The following DNAH5 variants were observed in gnomAD, a reference collection of about 807,000 sequenced individuals.
DNAH5 encodes axonemal beta dynein heavy chain 5.
In DNAH5, 372 loss-of-function variants were observed where a neutral mutation model predicts 518.2. The observed-to-expected ratio is 0.72, with a 90% CI of 0.66 to 0.78. The LOEUF (loss-of-function observed/expected upper bound fraction) is 0.78. Ranked by LOEUF, DNAH5 falls within the 30% of genes least tolerant of loss-of-function variation. The pLI, the probability that DNAH5 is intolerant of heterozygous loss-of-function variation, is 0.00. For synonymous variants in DNAH5, 2,039 were observed against 2,025.9 expected, an observed-to-expected ratio of 1.01 and a Z score of -0.17; for missense variants, 5,523 against 5,687.0, an observed-to-expected ratio of 0.97 and a Z score of 0.93.
At chr5:13,873,913 T>A (rs973666874) in intron 22 of DNAH5, among the ~76,000 whole-genome samples, 1 of 152,156 alleles carries the variant, frequency 6.6e-6, no homozygotes. Context: ...TGATAAAGAA[T>A]AAACAGTGCA....
chr5:13,802,236 C>T (rs1331158739), intron 47 of DNAH5, among the ~76,000 whole-genome samples: 1 of 152,126 alleles, frequency 6.6e-6, no homozygotes, highest in Non-Finnish European at 1.5e-5. Context: ...TCTGTCTACA[C>T]ACATAGGATA....
intron 46 of DNAH5, 31 bp from the exon 47 acceptor site, chr5:13,807,756 A>G (rs1468843840): frequency 6.4e-7 from 1 of 1,571,660 alleles, no homozygotes; most frequent in Middle Eastern, 2.0e-4. Context: ...AAAAAAAGAA[A>G]TGAAATAAAT....
chr5:13,795,243 A>C (rs1757647080), intron 47 of DNAH5, among the ~76,000 whole-genome samples: 1 of 152,216 alleles, frequency 6.6e-6, no homozygotes, highest in Admixed American at 6.5e-5. Context: ...AACCCTTCAG[A>C]AATCAATGAA....
upstream of DNAH5, among the ~76,000 whole-genome samples, chr5:13,949,306 A>G (rs1300187309): frequency 6.6e-6 from 1 of 152,224 alleles, no homozygotes; most frequent in Non-Finnish European, 1.5e-5. Context: ...CTTTTTCTTT[A>G]TACAATTGCA....
At position 13,691,080 on chromosome 5, in the gene DNAH5, T is replaced by C. The variant is rs532882575; in HGVS notation, c.*904A>G. 1.3e-4 allele frequency: 20 copies of C among 152,246 alleles called. No individual in the cohort carries two copies. The highest frequency in any genetic ancestry group is 1.9e-4 in the Non-Finnish European group (13 of 68,048). The allele number at this position is 152,246 out of a possible 1,614,324, so 9.4% of individuals were successfully genotyped here. A position where few individuals can be genotyped will look rare whatever the true frequency, so the allele number is the denominator to read the frequency against. Reference sequence around the variant, plus strand: ...AATTGTTTTTTATGGTTGCCAAATATCTCTTAATTTCCTTAACCATAGCCT... The same window carrying C: ...AATTGTTTTTTATGGTTGCCAAATACCTCTTAATTTCCTTAACCATAGCCT... On this transcript the variant is annotated 3_prime_UTR_variant, in exon 79 of 79. Transcript: ENST00000265104.
intron 65 of DNAH5, among the ~76,000 whole-genome samples, chr5:13,750,235 G>A (rs377394007): frequency 2.6e-5 from 4 of 152,188 alleles, no homozygotes; most frequent in African/African-American, 7.2e-5. Context: ...CAGCGTAGAA[G>A]GTGCCATAAA....
Position 13,811,671 on chromosome 5 carries a change from C to G in DNAH5, c.7383G>C (p.Met2461Ile), listed in dbSNP as rs951231755. ...CCTTCAGAGGAATCAGGCCTTGAAG[C>G]ATGTTAATGCTCTGTGTGATGACAA... ...EAFVITQSIN[M>I]LQGLIPLKEQ... The change falls in exon 44 of 79, where the codon ATG becomes ATC. Residue 2461 changes from methionine (M) to isoleucine (I), a missense_variant. Physicochemically the swap from Met to Ile is conservative, Grantham distance 10 (BLOSUM62 1). This residue lies in a region of DNAH5 where 5,121 missense variants were observed against 5,223.3 expected (regional missense o/e 0.98). Coordinates refer to ENST00000265104, the MANE Select transcript of DNAH5 (RefSeq NM_001369.3). 3 of 1,614,130 alleles carry G rather than the reference C, an allele frequency of 1.9e-6. No homozygotes were observed. The highest frequency in any genetic ancestry group is 1.7e-5 in the Admixed American group (1 of 60,020).
In DNAH5 at chr5:13,692,071, G is replaced by A; in HGVS notation, c.13788C>T (p.Asn4596=). Residue 4596 remains asparagine (N), a synonymous_variant, in exon 79 of 79, where the codon AAC becomes AAT. Transcript: ENST00000265104. ...TCCTGAGATCCACAGCGGCAATGTA[G>A]TTCAAGTCCGTTCGAACTGGCTTCT... is the stretch of plus-strand genomic sequence containing the variant. ...IYKKPVRTDL[N]YIAAVDLRTA... is the part of the protein sequence containing the mutation. The A allele has an allele frequency of 6.2e-7, 1 of 1,614,118 alleles. No homozygotes were observed. Among genetic ancestry groups the A allele is most frequent in the South Asian group, 1.1e-5 (1 of 91,086 alleles).
chr5:13,824,157 T>G, intron 39 of DNAH5, 42 bp downstream of exon 39: 1 of 1,605,196 alleles, frequency 6.2e-7, no homozygotes, highest in African/African-American at 1.3e-5. Context: ...TTAGTTTAAC[T>G]GATATCCAAG....
intron 78 of DNAH5, among the ~76,000 whole-genome samples, chr5:13,699,739 T>C (rs1579801687): frequency 6.6e-6 from 1 of 152,126 alleles, no homozygotes; most frequent in Admixed American, 6.5e-5. Context: ...TAAATACTTG[T>C]AGTTCATAAA....
intron 18 of DNAH5, 79 bp from the exon 19 acceptor site, chr5:13,885,307 A>G (rs1308852997): frequency 6.7e-7 from 1 of 1,491,064 alleles, no homozygotes; most frequent in Non-Finnish European, 9.3e-7. Flanking sequence ...ATAGACAGAT[A>G]GATAGAATCA....
Position 13,727,574 on chromosome 5 carries a change from T to A in DNAH5, c.11966A>T (p.Lys3989Ile). ...EEEPLPNAYD[K>I]SLDCFRRLLL... ...AAGACGTCTGAAGCAGTCAAGAGAT[T>A]TATCATAGGCATTTGGAAGAGGTTC... is the stretch of plus-strand genomic sequence containing the variant. The change falls in exon 70 of 79, where the codon AAA (lysine) becomes ATA (isoleucine). Residue 3989 changes from lysine to isoleucine, a missense_variant. Physicochemically the swap from Lys to Ile is moderately radical, Grantham distance 102 (BLOSUM62 -3). This residue lies in a region of DNAH5 where 5,121 missense variants were observed against 5,223.3 expected (regional missense o/e 0.98). Transcript: ENST00000265104. The A allele has an allele frequency of 2.5e-6, 4 of 1,613,912 alleles. No homozygotes were observed. Among genetic ancestry groups the A allele is most frequent in the Non-Finnish European group, 3.4e-6 (4 of 1,179,858 alleles).
chr5:13,890,870 A>C (rs2151948595), intron 17 of DNAH5, 106 bp downstream of exon 17: 1 of 1,228,138 alleles, frequency 8.1e-7, no homozygotes, highest in East Asian at 2.3e-5. Flanking sequence ...ATCACAGAGC[A>C]CTGCAAGTAG....
intron 35 of DNAH5, among the ~76,000 whole-genome samples, chr5:13,833,051 T>C (rs1763879572): frequency 1.3e-5 from 2 of 151,734 alleles, no homozygotes; most frequent in Non-Finnish European, 2.9e-5. Context: ...CCTTGAGAAC[T>C]TGGTTTAGTT....
chr5:13,774,456 A>G (rs1753787984), intron 55 of DNAH5, among the ~76,000 whole-genome samples: 1 of 152,156 alleles, frequency 6.6e-6, no homozygotes, highest in South Asian at 2.1e-4. Flanking sequence ...ATTTCAAGCC[A>G]GGAGACAGAC....
At chr5:13,918,216 T>A (rs1363172085) in intron 7 of DNAH5, among the ~76,000 whole-genome samples, 1 of 152,212 alleles carries the variant, frequency 6.6e-6, no homozygotes, top group Non-Finnish European at 1.5e-5. Flanking sequence ...CCAGCTGCTA[T>A]GTTCTAAGCT....
intron 12 of DNAH5, among the ~76,000 whole-genome samples, chr5:13,909,999 T>C (rs1332993148): frequency 6.6e-6 from 1 of 152,200 alleles, no homozygotes; most frequent in Non-Finnish European, 1.5e-5. Context: ...AGAAGTACCA[T>C]GTGGTCAGAC....
intron 58 of DNAH5, among the ~76,000 whole-genome samples, chr5:13,768,345 C>A (rs1752797184): frequency 6.6e-6 from 1 of 152,190 alleles, no homozygotes; most frequent in Non-Finnish European, 1.5e-5. Flanking sequence ...TGCTTCCGTT[C>A]ACCTTCTGCC....
At chr5:13,845,131 T>C (rs1461525732) in intron 31 of DNAH5, 138 bp from the exon 32 acceptor site, 3 of 775,946 alleles carry the variant, frequency 3.9e-6, no homozygotes, top group Non-Finnish European at 6.1e-6. Context: ...CTTCTCACTG[T>C]TTTTAATTTT....
Sources: allele counts gnomAD v4.1 joint callset (sites outside exome capture counted in the v4.1 genomes callset), GRCh38; gene constraint gnomAD v4.1.1; regional missense constraint gnomAD v4.1.1; transcripts MANE v1.5; gene names NCBI Gene and HGNC (gene_info 2026-07-23, HGNC 2026-07-21).